The following NOLC1 variants were observed in gnomAD, a reference collection of about 807,000 sequenced individuals.
The protein encoded by NOLC1 is nucleolar and coiled-body phosphoprotein 1, also known as 140 kDa nucleolar phosphoprotein.
Under a neutral mutation model 73.4 loss-of-function variants are expected in NOLC1, and 37 were observed. The ratio of observed to expected loss-of-function variants is 0.50; its 90% CI spans 0.39 to 0.66. NOLC1 has a LOEUF of 0.66. NOLC1 is among the 30% of genes least tolerant of loss of function. NOLC1 has a pLI of 0.00. For synonymous variants in NOLC1, 327 were observed against 302.6 expected, an observed-to-expected ratio of 1.08 and a Z score of -0.84; for missense variants, 921 against 838.9, an observed-to-expected ratio of 1.10 and a Z score of -1.21.
At chr10:102,160,190 G>A in intron 8 of NOLC1, 43 bp from the exon 9 acceptor site, 3 of 1,602,276 alleles carry the variant, frequency 1.9e-6, no homozygotes, top group South Asian at 2.2e-5. Context: ...TCCTGGTTGG[G>A]TTGGGACTCT....
chr10:102,155,126 G>C (rs1305107176), intron 1 of NOLC1, among the ~76,000 whole-genome samples: 2 of 151,100 alleles, frequency 1.3e-5, no homozygotes, highest in South Asian at 4.2e-4. Context: ...GGGTTCAAGC[G>C]ATTCTCCTGC....
intron 1 of NOLC1, among the ~76,000 whole-genome samples, chr10:102,156,742 T>G (rs1198177069): frequency 6.6e-6 from 1 of 152,032 alleles, no homozygotes; most frequent in Non-Finnish European, 1.5e-5. Context: ...TGATTTTTTG[T>G]TTTGTTTTGT....
rs761710184 is a variant in NOLC1 at position 102,161,035 on chromosome 10, G to A, written c.1683G>A (p.Lys561=). The A allele has an allele frequency of 3.1e-6, 5 of 1,613,476 alleles. No individual in the cohort carries two copies. The highest frequency in any genetic ancestry group is 3.4e-6 in the Non-Finnish European group (4 of 1,179,908). Residue 561 remains lysine, a synonymous_variant, in exon 10 of 13, where the codon AAG becomes AAA. Transcript: ENST00000605788. The stretch of plus-strand genomic sequence containing the variant: ...CTGCCCAGAATGGAAAAGCAGCTAA[G>A]AACAGTGAGGAGGAGGAAGAAGAAA... ...ALTAQNGKAA[K]NSEEEEEEKK...
Position 102,160,031 on chromosome 10 carries a change from C to A in NOLC1, c.988+7C>A, listed in dbSNP as rs1564970956. On this transcript the variant is annotated splice_region_variant and intron_variant, in intron 8 of 12. Coordinates refer to ENST00000605788, the MANE Select transcript of NOLC1 (RefSeq NM_004741.5). ...GACAGCAGTGATGAGTCTGGTGAGTCAGAGGGATGCAGCCTCCCCTCAGCG... is the reference window on the plus strand; with the variant it reads ...GACAGCAGTGATGAGTCTGGTGAGTAAGAGGGATGCAGCCTCCCCTCAGCG... 2 of 1,611,054 alleles carry A rather than the reference C, an allele frequency of 1.2e-6. No individual in the cohort carries two copies. The highest frequency in any genetic ancestry group is 3.4e-5 in the Admixed American group (2 of 59,496).
In NOLC1 at chr10:102,157,094, T is replaced by C; in HGVS notation, c.176+20T>C. On this transcript the variant is annotated intron_variant, in intron 2 of 12. Transcript: ENST00000605788. ...GCTCAAGTAAGCCTTTCCTGTTCCA[T>C]TTTGGCTATTTTCTCCCCCAAGATA... 1 of 1,614,050 alleles carries C rather than the reference T, an allele frequency of 6.2e-7. No individual in the cohort carries two copies. The highest frequency in any genetic ancestry group is 8.5e-7 in the Non-Finnish European group (1 of 1,179,906).
At chr10:102,161,688 G>C in intron 11 of NOLC1, 26 bp downstream of exon 11, 1 of 1,594,150 alleles carries the variant, frequency 6.3e-7, no homozygotes, top group Non-Finnish European at 8.6e-7. Context: ...TTCTTCTCAG[G>C]AGCCAGCTCT....
At position 102,157,445 on chromosome 10, in the gene NOLC1, C is replaced by T; in HGVS notation, c.331C>T (p.Arg111Ter). Residue 111 changes from arginine (R) to a stop codon, truncating the protein, a stop_gained, in exon 4 of 13, where the codon CGA becomes TGA. Transcript: ENST00000605788. LOFTEE classifies it high-confidence loss of function. ...PAKKAAVPAK[R>*]VGLPPGKAAA... ...TGTTTGTTCAGCTGTACCTGCCAAG[C>T]GAGTCGGTCTGCCTCCTGGGAAGGC... 1.9e-6 allele frequency: 3 copies of T among 1,614,124 alleles called. No individual in the cohort carries two copies. Among genetic ancestry groups the T allele is most frequent in the Non-Finnish European group, 2.5e-6 (3 of 1,180,020 alleles).
intron 3 of NOLC1, 33 bp downstream of exon 3, chr10:102,157,361 C>T (rs763550411): frequency 2.5e-6 from 4 of 1,612,728 alleles, no homozygotes; most frequent in Non-Finnish European, 3.4e-6. Flanking sequence ...CTTGGTGGTG[C>T]CAGGAAAAGA....
Position 102,152,512 on chromosome 10 carries a change from C to T in NOLC1, c.102C>T (p.Phe34=). The change falls in exon 1 of 13, where the codon TTC becomes TTT. Residue 34 remains phenylalanine, a synonymous_variant. Transcript: ENST00000605788. ...DNQLSEVANK[F]AKATGATQQD... ...AACTCTCAGAGGTGGCCAATAAGTT[C>T]GCCAAAGCGACAGGAGCTGTGAGTT... 6.2e-7 allele frequency: 1 copy of T among 1,613,830 alleles called. No individual in the cohort carries two copies. The highest frequency in any genetic ancestry group is 1.3e-5 in the African/African-American group (1 of 75,056).
chr10:102,157,092 C>G lies in NOLC1; in HGVS notation c.176+18C>G, dbSNP rs538480368. ...TGGCTCAAGTAAGCCTTTCCTGTTC[C>G]ATTTTGGCTATTTTCTCCCCCAAGA... On this transcript the variant is annotated intron_variant, in intron 2 of 12. Coordinates refer to ENST00000605788, the MANE Select transcript of NOLC1 (RefSeq NM_004741.5). 6 of 1,614,022 alleles carry G rather than the reference C, an allele frequency of 3.7e-6. No individual in the cohort carries two copies. The African/African-American group carries it at 5.3e-5, about 14-fold the overall frequency.
rs778168385 is a variant in NOLC1 at position 102,161,090 on chromosome 10, T to C, written c.1738T>C (p.Ser580Pro). 1.1e-5 allele frequency: 17 copies of C among 1,604,946 alleles called. No homozygotes were observed. The highest frequency in any genetic ancestry group is 1.4e-5 in the Non-Finnish European group (17 of 1,178,280). The part of the protein sequence containing the change: ...KKKAAVVVSK[S>P]GSLKKRKQNE... ...AAAGGCGGCAGTGGTAGTTTCCAAA[T>C]CAGGTCTGTACCCAATGAACATGCC... is the stretch of plus-strand genomic sequence containing the variant. Residue 580 changes from serine to proline, a missense_variant, in exon 10 of 13, where the codon TCA becomes CCA. Ser to Pro is a moderately conservative substitution (Grantham distance 74, BLOSUM62 -1). Coordinates refer to ENST00000605788, the MANE Select transcript of NOLC1 (RefSeq NM_004741.5).
intron 1 of NOLC1, among the ~76,000 whole-genome samples, chr10:102,155,982 G>A (rs1323429148): frequency 1.4e-4 from 21 of 151,364 alleles, no homozygotes; most frequent in Non-Finnish European, 5.9e-5. Context: ...TCAGCCTCCC[G>A]AGTACCTGGG....
chr10:102,161,940 T>C lies in NOLC1; in HGVS notation c.1941+15T>C, dbSNP rs1440547469. Reference sequence around the variant, plus strand: ...TTGATGCCAAGGTGAGAGAGAGATCTGTGCCATTCTTGGGAGGGAGGATGG... The same window carrying C: ...TTGATGCCAAGGTGAGAGAGAGATCCGTGCCATTCTTGGGAGGGAGGATGG... On this transcript the variant is annotated intron_variant, in intron 12 of 12. Transcript: ENST00000605788. 6.8e-6 allele frequency: 11 copies of C among 1,612,924 alleles called. No homozygotes were observed. The highest frequency in any genetic ancestry group is 1.7e-4 in the Middle Eastern group (1 of 6,050).
In NOLC1 at chr10:102,157,447, A is replaced by G; in HGVS notation, c.333A>G (p.Arg111=). Residue 111 remains arginine, a synonymous_variant, in exon 4 of 13, where the codon CGA becomes CGG. Coordinates refer to ENST00000605788, the MANE Select transcript of NOLC1 (RefSeq NM_004741.5). ...PAKKAAVPAK[R]VGLPPGKAAA... is the part of the protein sequence containing the mutation. ...TTTGTTCAGCTGTACCTGCCAAGCGAGTCGGTCTGCCTCCTGGGAAGGCTG... is the reference window on the plus strand; with the variant it reads ...TTTGTTCAGCTGTACCTGCCAAGCGGGTCGGTCTGCCTCCTGGGAAGGCTG... 6.2e-7 allele frequency: 1 copy of G among 1,614,182 alleles called. No homozygotes were observed. The highest frequency in any genetic ancestry group is 8.5e-7 in the Non-Finnish European group (1 of 1,180,030).
chr10:102,163,798 CAG>C lies in NOLC1; in HGVS notation c.*1531_*1532del, dbSNP rs995932727. Reference sequence around the variant, plus strand: ...AGAAAATGTACTGTTCATGCTGACACAGATATTTCAGTCTGCATGGTAAAAGT... The same window carrying C: ...AGAAAATGTACTGTTCATGCTGACACATATTTCAGTCTGCATGGTAAAAGT... On this transcript the variant is annotated 3_prime_UTR_variant, in exon 13 of 13. Coordinates refer to ENST00000605788, the MANE Select transcript of NOLC1 (RefSeq NM_004741.5). 3.3e-5 allele frequency: 5 copies of C among 152,186 alleles called. No homozygotes were observed. Among genetic ancestry groups the C allele is most frequent in the African/African-American group, 9.7e-5 (4 of 41,448 alleles). The allele number at this position is 152,186 out of a possible 1,614,324, so 9.4% of individuals were successfully genotyped here.
At chr10:102,155,954 T>C (rs2069587603) in intron 1 of NOLC1, among the ~76,000 whole-genome samples, 2 of 151,694 alleles carry the variant, frequency 1.3e-5, no homozygotes, top group South Asian at 4.2e-4. Context: ...CCTCTGGGGT[T>C]CAAACGATTC....
In NOLC1 at chr10:102,158,193, AC is replaced by A; in HGVS notation, c.587del (p.Thr196IlefsTer14). The A allele has an allele frequency of 6.2e-7, 1 of 1,614,192 alleles. No individual in the cohort carries two copies. Among genetic ancestry groups the A allele is most frequent in the South Asian group, 1.1e-5 (1 of 91,080 alleles). On this transcript the variant is annotated frameshift_variant, in exon 5 of 13. Transcript: ENST00000605788. LOFTEE classifies it high-confidence loss of function. ...AACACCTGTGACAGTTAAAGCTCAGACTAAAGCCCCTCCCAAACCAGGTACT... is the reference window on the plus strand; with the variant it reads ...AACACCTGTGACAGTTAAAGCTCAGATAAAGCCCCTCCCAAACCAGGTACT... ...KITPVTVKAQ[T>X]KAPPKPARAA... is the part of the protein sequence containing the mutation.
Position 102,157,944 on chromosome 10 carries a change from T to G in NOLC1, c.442-105T>G. ...CCGTATCCTGTCCTTAGCTTTCTTT[T>G]GCTCTTACTGCTCCATTAGGCCCCT... On this transcript the variant is annotated intron_variant, in intron 4 of 12. Coordinates refer to ENST00000605788, the MANE Select transcript of NOLC1 (RefSeq NM_004741.5). 4.9e-6 allele frequency: 5 copies of G among 1,026,134 alleles called. No homozygotes were observed. The South Asian group carries it at 8.2e-5, about 17-fold the overall frequency. 63.6% of individuals were successfully genotyped at this position (1,026,134 alleles called of 1,614,324 possible). A position where few individuals can be genotyped will look rare whatever the true frequency, so the allele number is the denominator to read the frequency against.
rs749739902 is a variant in NOLC1 at position 102,160,967 on chromosome 10, C to A, written c.1615C>A (p.Pro539Thr). ...EEEKLKGKGS[P>T]RPQAPKANGT... is the part of the protein sequence containing the mutation. ...AGAGAAGCTCAAGGGCAAGGGCTCT[C>A]CAAGACCACAAGCCCCCAAGGCCAA... The change falls in exon 10 of 13, where the codon CCA becomes ACA. Residue 539 changes from proline (P) to threonine (T), a missense_variant. Transcript: ENST00000605788. 30 of 1,614,110 alleles carry A rather than the reference C, an allele frequency of 1.9e-5. No homozygotes were observed. The highest frequency in any genetic ancestry group is 1.1e-4 in the East Asian group (5 of 44,878).
Sources: allele counts gnomAD v4.1 joint callset (sites outside exome capture counted in the v4.1 genomes callset), GRCh38; gene constraint gnomAD v4.1.1; transcripts MANE v1.5; gene names NCBI Gene and HGNC (gene_info 2026-07-23, HGNC 2026-07-21).